ECE1: variants seen among roughly 807,000 people sequenced by gnomAD.
ECE1 encodes the protein endothelin-converting enzyme 1.
In ECE1, 35 loss-of-function variants were observed where a neutral mutation model predicts 98.6. The observed-to-expected ratio is 0.35, with a 90% confidence interval of 0.27 to 0.47. The LOEUF (loss-of-function observed/expected upper bound fraction) is 0.47. Ranked by LOEUF, ECE1 falls within the 20% of genes least tolerant of loss-of-function variation. ECE1 has a pLI of 1.00. For synonymous variants in ECE1, 394 were observed against 407.1 expected, an observed-to-expected ratio of 0.97 and a Z score of 0.39; for missense variants, 814 against 1,025.3, an observed-to-expected ratio of 0.79 and a Z score of 2.81.
chr1:21,254,919 GCTCATCTATCGTTAGA>G (rs1474254604), intron 8 of ECE1, among the ~76,000 whole-genome samples: 1 of 152,148 alleles, frequency 6.6e-6, no homozygotes, highest in East Asian at 1.9e-4. Flanking sequence ...GCCTGGAAAT[GCTCATCTATCGTTAGA>G]CTCACCTTCC....
At chr1:21,314,992 C>G (rs1638802372) in intron 1 of ECE1, among the ~76,000 whole-genome samples, 1 of 152,210 alleles carries the variant, frequency 6.6e-6, no homozygotes, top group Non-Finnish European at 1.5e-5. Flanking sequence ...CCATGCTGCC[C>G]CATCTGTATG....
In ECE1 at chr1:21,227,943, C is replaced by G; in HGVS notation, c.1769G>C (p.Arg590Pro). The G allele has an allele frequency of 6.4e-7, 1 of 1,553,112 alleles. No homozygotes were observed. The highest frequency in any genetic ancestry group is 8.7e-7 in the Non-Finnish European group (1 of 1,147,686). The change falls in exon 15 of 19, where the codon CGC (arginine) becomes CCC (proline). Residue 590 changes from arginine to proline, a missense_variant. Physicochemically the swap from Arg to Pro is moderately radical, Grantham distance 103. This residue lies in a region of ECE1 where 452 missense variants were observed against 567.3 expected (regional missense o/e 0.80). Transcript: ENST00000374893. ...AGAGGCAGCCTACTTGGGTGAGGAG[C>G]GTGTGTAGAATGGTGCCTGCAGGAT... ...AGILQAPFYT[R>P]SSPKALNFGG...
intron 1 of ECE1, among the ~76,000 whole-genome samples, chr1:21,297,184 C>T (rs981346785): frequency 1.3e-5 from 2 of 152,228 alleles, no homozygotes; most frequent in African/African-American, 4.8e-5. Context: ...CTCACATGGC[C>T]CAGTGTTGAC....
rs955235044 is a variant in ECE1 at position 21,272,687 on chromosome 1, C to A, written c.493+12G>T. 6.2e-7 allele frequency: 1 copy of A among 1,614,098 alleles called. No homozygotes were observed. The highest frequency in any genetic ancestry group is 1.3e-5 in the African/African-American group (1 of 74,950). On this transcript the variant is annotated intron_variant, in intron 4 of 18. Coordinates refer to ENST00000374893, the MANE Select transcript of ECE1 (RefSeq NM_001397.3). The stretch of plus-strand genomic sequence containing the variant: ...TGTGGCCCATTTATTGGTCTCCATG[C>A]TGGATGCTTACCGAGGAGGTGCTTG...
chr1:21,297,262 C>T (rs1638380457), intron 1 of ECE1, among the ~76,000 whole-genome samples: 1 of 152,206 alleles, frequency 6.6e-6, no homozygotes, highest in Non-Finnish European at 1.5e-5. Context: ...TCTTCAGTGC[C>T]TGCTGTGGAG....
intron 1 of ECE1, among the ~76,000 whole-genome samples, chr1:21,320,647 G>C (rs899141816): frequency 2.6e-5 from 4 of 152,202 alleles, no homozygotes; most frequent in African/African-American, 9.7e-5. Flanking sequence ...TCACTCACAG[G>C]GGGTCACACA....
Position 21,290,139 on chromosome 1 carries a change from C to G in ECE1, c.69G>C (p.Arg23=), listed in dbSNP as rs2098265090. ...CCAGGTCCTCCTCGTCCAGCGTGGC[C>G]CGCTTGTACGTCGACATCTGCAAGG... ...LSALGMSTYK[R]ATLDEEDLVD... Residue 23 remains arginine (R), a synonymous_variant, in exon 2 of 19, where the codon CGG becomes CGC. Transcript: ENST00000374893. The surrounding 1 kb of genome is among the most constrained non-coding windows in gnomAD (Gnocchi z 7.3). 1.3e-6 allele frequency: 2 copies of G among 1,565,220 alleles called. No individual in the cohort carries two copies. The highest frequency in any genetic ancestry group is 1.7e-6 in the Non-Finnish European group (2 of 1,157,520).
At chr1:21,227,284 T>TG in intron 15 of ECE1, 58 bp from the exon 16 acceptor site, 1 of 1,518,772 alleles carries the variant, frequency 6.6e-7, no homozygotes, top group South Asian at 1.1e-5. Context: ...CTCTCACTCT[T>TG]GCTCAGGTAT....
intron 8 of ECE1, among the ~76,000 whole-genome samples, chr1:21,253,366 T>A (rs867392208): frequency 9.1e-4 from 138 of 152,098 alleles, no homozygotes; most frequent in African/African-American, 3.3e-3. Flanking sequence ...CAGGACGTCT[T>A]TAAATGTCAG....
intron 1 of ECE1, among the ~76,000 whole-genome samples, chr1:21,318,005 G>T (rs537249319): frequency 6.6e-6 from 1 of 152,346 alleles, no homozygotes; most frequent in African/African-American, 2.4e-5. Context: ...TGCAAAGCAG[G>T]GCCTGCCCCT....
At position 21,233,994 on chromosome 1, in the gene ECE1, C is replaced by CT. The variant is rs970615177; in HGVS notation, c.1567-334dup. Reference sequence around the variant, plus strand: ...CAGACTACTAAGCATTTCTTTCTTTCTTTTTTTTTTGAGACGGGAATCTTG... The same window carrying CT: ...CAGACTACTAAGCATTTCTTTCTTTCTTTTTTTTTTTGAGACGGGAATCTTG... On this transcript the variant is annotated intron_variant, in intron 13 of 18. Coordinates refer to ENST00000374893, the MANE Select transcript of ECE1 (RefSeq NM_001397.3). This position sits in a 1 kb window ranked among gnomAD's most constrained non-coding sequence, Gnocchi z 4.0. Among the ~76,000 whole-genome samples, 202 of 149,474 alleles carry CT rather than the reference C, an allele frequency of 1.4e-3. 1 individual carries two copies. Among genetic ancestry groups the CT allele is most frequent in the Middle Eastern group, 0.01 (3 of 290 alleles).
In ECE1 at chr1:21,290,329, T is replaced by C. The variant is rs1569674238; in HGVS notation, c.51+35A>G. On this transcript the variant is annotated intron_variant, in intron 1 of 18. Coordinates refer to ENST00000374893, the MANE Select transcript of ECE1 (RefSeq NM_001397.3). This position sits in a 1 kb window ranked among gnomAD's most constrained non-coding sequence, Gnocchi z 7.3. Reference sequence around the variant, plus strand: ...CGCGCGGGGAGGGGTCCCGCCCGCCTCCCGCCCCCGCCCTCCAGGCCGCGC... The same window carrying C: ...CGCGCGGGGAGGGGTCCCGCCCGCCCCCCGCCCCCGCCCTCCAGGCCGCGC... 3 of 1,061,192 alleles carry C rather than the reference T, an allele frequency of 2.8e-6. No individual in the cohort carries two copies. Among genetic ancestry groups the C allele is most frequent in the East Asian group, 5.2e-5 (1 of 19,276 alleles). The allele number at this position is 1,061,192 out of a possible 1,614,324, so 65.7% of individuals were successfully genotyped here. A position where few individuals can be genotyped will look rare whatever the true frequency, so the allele number is the denominator to read the frequency against.
chr1:21,290,042 A>G lies in ECE1; in HGVS notation c.138+28T>C. On this transcript the variant is annotated intron_variant, in intron 2 of 18. Coordinates refer to ENST00000374893, the MANE Select transcript of ECE1 (RefSeq NM_001397.3). This position sits in a 1 kb window ranked among gnomAD's most constrained non-coding sequence, Gnocchi z 7.3. ...GCATGCCCGGGCCCGGGGCGCCTGG[A>G]CCTCGGGAGGGAGCGGAGGGCGCCT... The G allele has an allele frequency of 8.0e-7, 1 of 1,245,068 alleles. No individual in the cohort carries two copies. The highest frequency in any genetic ancestry group is 1.0e-6 in the Non-Finnish European group (1 of 969,384). 77.1% of individuals were successfully genotyped at this position (1,245,068 alleles called of 1,614,324 possible).
At chr1:21,237,327 A>T (rs1165872634) in intron 11 of ECE1, among the ~76,000 whole-genome samples, 1 of 152,118 alleles carries the variant, frequency 6.6e-6, no homozygotes, top group Non-Finnish European at 1.5e-5. Flanking sequence ...TGAGGGAGAC[A>T]ATGTCATGAG....
chr1:21,238,186 G>A lies in ECE1; in HGVS notation c.1337C>T (p.Ala446Val). Residue 446 changes from alanine to valine, a missense_variant, in exon 11 of 19, where the codon GCG becomes GTG. Ala to Val is a moderately conservative substitution (Grantham distance 64, BLOSUM62 0). Coordinates refer to ENST00000374893, the MANE Select transcript of ECE1 (RefSeq NM_001397.3). ...VSDTENNLGF[A>V]LGPMFVKATF... ...TGCTTTGACAAACATGGGGCCCAAC[G>A]CAAAGCCCAGGTTGTTTTCTGTGTC... 6.2e-7 allele frequency: 1 copy of A among 1,614,232 alleles called. No homozygotes were observed. Among genetic ancestry groups the A allele is most frequent in the Non-Finnish European group, 8.5e-7 (1 of 1,180,032 alleles).
chr1:21,297,107 T>C (rs1475509462), intron 1 of ECE1, among the ~76,000 whole-genome samples: 4 of 152,228 alleles, frequency 2.6e-5, no homozygotes, highest in African/African-American at 9.6e-5. Flanking sequence ...GTCCCAGGGC[T>C]GGGCTCCCGT....
Position 21,219,980 on chromosome 1 carries a change from G to A in ECE1, c.2288C>T (p.Pro763Leu), listed in dbSNP as rs754134273. 5.0e-6 allele frequency: 8 copies of A among 1,614,240 alleles called. No individual in the cohort carries two copies. The highest frequency in any genetic ancestry group is 1.3e-5 in the African/African-American group (1 of 75,064). The change falls in exon 19 of 19, where the codon CCG becomes CTG. Residue 763 changes from proline (P) to leucine (L), a missense_variant. Around this residue, in one of 3 missense-constraint regions of ECE1, gnomAD observed 452 missense variants for 567.3 expected, o/e 0.80. Coordinates refer to ENST00000374893, the MANE Select transcript of ECE1 (RefSeq NM_001397.3). The surrounding 1 kb of genome is among the most constrained non-coding windows in gnomAD (Gnocchi z 4.5). ...FRCPPGSPMN[P>L]PHKCEVW Reference sequence around the variant, plus strand: ...TTACCAGACTTCGCACTTGTGAGGCGGGTTCATGGGTGAGCCAGGTGGGCA... The same window carrying A: ...TTACCAGACTTCGCACTTGTGAGGCAGGTTCATGGGTGAGCCAGGTGGGCA...
At chr1:21,271,895 T>G (rs2098240645) in intron 4 of ECE1, among the ~76,000 whole-genome samples, 1 of 151,888 alleles carries the variant, frequency 6.6e-6, no homozygotes, top group Non-Finnish European at 1.5e-5. Flanking sequence ...ACTGAATAAC[T>G]AATCCTCTGA....
intron 1 of ECE1, among the ~76,000 whole-genome samples, chr1:21,320,859 G>A (rs1638948432): frequency 2.6e-5 from 4 of 152,348 alleles, no homozygotes; most frequent in Admixed American, 2.6e-4. Flanking sequence ...GCTCGGCTGT[G>A]CAGCCTCCCC....
Sources: allele counts gnomAD v4.1 joint callset (sites outside exome capture counted in the v4.1 genomes callset), GRCh38; gene constraint gnomAD v4.1.1; regional missense constraint gnomAD v4.1.1; non-coding constraint Gnocchi (gnomAD v3.1); transcripts MANE v1.5; gene names NCBI Gene and HGNC (gene_info 2026-07-23, HGNC 2026-07-21).